MYO1E: variants seen among roughly 807,000 people sequenced by gnomAD.
The protein encoded by MYO1E is unconventional myosin-Ie.
In MYO1E, 68 loss-of-function variants were observed where a neutral mutation model predicts 151.1. That is an observed-to-expected ratio of 0.45 (90% CI 0.37 to 0.55). MYO1E has a LOEUF of 0.55. MYO1E is among the 20% of genes least tolerant of loss of function. MYO1E has a pLI of 0.00. For synonymous variants in MYO1E, 601 were observed against 501.7 expected, an observed-to-expected ratio of 1.20 and a Z score of -2.64; for missense variants, 1,363 against 1,389.3, an observed-to-expected ratio of 0.98 and a Z score of 0.30.
chr15:59,216,159 C>T (rs1313090531), intron 10 of MYO1E, among the ~76,000 whole-genome samples: 2 of 152,074 alleles, frequency 1.3e-5, no homozygotes, highest in Non-Finnish European at 2.9e-5. Context: ...TTGAATGGCC[C>T]CCACTGTTGT....
intron 4 of MYO1E, among the ~76,000 whole-genome samples, chr15:59,242,095 G>A (rs778839983): frequency 1.3e-5 from 2 of 152,148 alleles, no homozygotes; most frequent in East Asian, 1.9e-4. Context: ...GTGCCATTTC[G>A]TGCTACATTT....
At chr15:59,337,252 T>C (rs968397428) in intron 1 of MYO1E, among the ~76,000 whole-genome samples, 37 of 152,190 alleles carry the variant, frequency 2.4e-4, no homozygotes, top group Admixed American at 7.9e-4. Context: ...TAAATTTCTA[T>C]TGAATAATTT....
At chr15:59,251,952 T>C (rs2080167550) in intron 4 of MYO1E, among the ~76,000 whole-genome samples, 2 of 152,240 alleles carry the variant, frequency 1.3e-5, no homozygotes, top group Admixed American at 6.5e-5. Context: ...GTATTGCTAC[T>C]AATAATATTG....
At chr15:59,229,495 TG>T (rs1286673988) in intron 6 of MYO1E, among the ~76,000 whole-genome samples, 3 of 152,200 alleles carry the variant, frequency 2.0e-5, no homozygotes, top group South Asian at 2.1e-4. Context: ...TATAGCAGCC[TG>T]GGGGGGATGA....
chr15:59,364,649 C>G (rs1305543862), intron 1 of MYO1E, among the ~76,000 whole-genome samples: 1 of 152,180 alleles, frequency 6.6e-6, no homozygotes, highest in African/African-American at 2.4e-5. Context: ...TGGCTCATGC[C>G]TATAATCCCA....
intron 22 of MYO1E, among the ~76,000 whole-genome samples, chr15:59,168,328 A>G (rs2079573474): frequency 6.6e-6 from 1 of 152,030 alleles, no homozygotes; most frequent in African/African-American, 2.4e-5. Context: ...GGTAGATCCC[A>G]TGAGCCCAGG....
intron 1 of MYO1E, among the ~76,000 whole-genome samples, chr15:59,309,642 C>T (rs1047414950): frequency 6.6e-6 from 1 of 152,112 alleles, no homozygotes; most frequent in South Asian, 2.1e-4. Context: ...GCTGCCATTC[C>T]CTGAGACATC....
intron 2 of MYO1E, 54 bp from the exon 3 acceptor site, chr15:59,261,563 C>T (rs2080224602): frequency 8.6e-7 from 1 of 1,157,044 alleles, no homozygotes; most frequent in South Asian, 1.2e-5. Flanking sequence ...ACACATTTTT[C>T]AAATTAAGTA....
At chr15:59,196,536 C>G (rs1409360164) in intron 16 of MYO1E, among the ~76,000 whole-genome samples, 1 of 152,110 alleles carries the variant, frequency 6.6e-6, no homozygotes, top group Non-Finnish European at 1.5e-5. Flanking sequence ...AGCCAGAAAA[C>G]CATTACAGTC....
At chr15:59,216,260 T>A (rs1403702398) in intron 10 of MYO1E, among the ~76,000 whole-genome samples, 1 of 152,008 alleles carries the variant, frequency 6.6e-6, no homozygotes, top group Admixed American at 6.6e-5. Flanking sequence ...ACTCACATAA[T>A]AACAGAGTGA....
At chr15:59,246,384 G>T (rs529375593) in intron 4 of MYO1E, among the ~76,000 whole-genome samples, 4 of 152,158 alleles carry the variant, frequency 2.6e-5, no homozygotes, top group Non-Finnish European at 5.9e-5. Context: ...GATTACAGGC[G>T]TGAGCCACCA....
intron 14 of MYO1E, chr15:59,206,967 GGCCA>G (rs2079839238): frequency 6.2e-7 from 1 of 1,613,868 alleles, no homozygotes; most frequent in Admixed American, 1.7e-5. Context: ...CTGTTGTGCG[GGCCA>G]GCCAGAGAGT....
chr15:59,253,035 A>C (rs1416120461), intron 4 of MYO1E, among the ~76,000 whole-genome samples: 1 of 152,258 alleles, frequency 6.6e-6, no homozygotes, highest in Admixed American at 6.5e-5. Flanking sequence ...AGGACATAAG[A>C]GCTAAGAAAA....
At chr15:59,246,142 G>A (rs1299718942) in intron 4 of MYO1E, among the ~76,000 whole-genome samples, 2 of 151,754 alleles carry the variant, frequency 1.3e-5, no homozygotes, top group East Asian at 1.9e-4. Context: ...TTTTGAGATA[G>A]AGTCTTGCTC....
At position 59,335,652 on chromosome 15, in the gene MYO1E, C is replaced by T. The variant is rs145276334; in HGVS notation, c.3+36846G>A. Among the ~76,000 whole-genome samples the T allele has an allele frequency of 4.7e-4, 72 of 152,268 alleles. No homozygotes were observed. In the East Asian group the frequency reaches 0.013, roughly 27 times the overall value. On this transcript the variant is annotated intron_variant, in intron 1 of 27. Transcript: ENST00000288235. ...ACCTGTTTTCCTAGCTACTTGGAGGCCACGATGGACTTACATTTAAACTAT... is the reference window on the plus strand; with the variant it reads ...ACCTGTTTTCCTAGCTACTTGGAGGTCACGATGGACTTACATTTAAACTAT...
At chr15:59,237,686 C>A (rs1407114963) in intron 4 of MYO1E, among the ~76,000 whole-genome samples, 1 of 152,226 alleles carries the variant, frequency 6.6e-6, no homozygotes, top group Non-Finnish European at 1.5e-5. Flanking sequence ...AGCAAATGTT[C>A]TTCTATGAAT....
chr15:59,247,402 AAGGTTTGAAGTCAGACAGGGCT>A (rs2080136780), intron 4 of MYO1E, among the ~76,000 whole-genome samples: 1 of 152,210 alleles, frequency 6.6e-6, no homozygotes, highest in African/African-American at 2.4e-5. Flanking sequence ...GAAAGTGCAT[AAGGTTTGAAGTCAGACAGGGCT>A]AAATTCAAAT....
In MYO1E at chr15:59,323,206, A is replaced by G. The variant is rs114624975; in HGVS notation, c.3+49292T>C. Among the ~76,000 whole-genome samples the G allele has an allele frequency of 8.3e-3, 1,253 of 150,926 alleles. 18 individuals carry two copies. Among genetic ancestry groups the G allele is most frequent in the African/African-American group, 0.028 (1,163 of 41,120 alleles). On this transcript the variant is annotated intron_variant, in intron 1 of 27. Transcript: ENST00000288235. Reference sequence around the variant, plus strand: ...AAAAAAAAAAGGTGCCTTTTGAAATATCAATGGCAACCAAAAATGGAAATA... The same window carrying G: ...AAAAAAAAAAGGTGCCTTTTGAAATGTCAATGGCAACCAAAAATGGAAATA...
chr15:59,207,784 G>T (rs776045294), intron 14 of MYO1E: 1 of 1,614,182 alleles, frequency 6.2e-7, no homozygotes. Context: ...TGTCCACAAA[G>T]AAGTGACTGC....
Sources: gnomAD v4.1 joint callset for allele counts (sites outside exome capture counted in the v4.1 genomes callset) on GRCh38, gnomAD v4.1.1 for gene constraint, MANE v1.5 for transcripts, NCBI Gene and HGNC (gene_info 2026-07-23, HGNC 2026-07-21) for gene names.